DLG2: variants seen among roughly 807,000 people sequenced by gnomAD.
The protein encoded by DLG2 is discs large MAGUK scaffold protein 2.
DLG2 carries 45 observed loss-of-function variants against 132.5 expected under a neutral mutation model. The observed-to-expected ratio is 0.34, with a 90% CI of 0.27 to 0.44. DLG2 has a LOEUF of 0.44. DLG2 is among the 20% of genes least tolerant of loss of function. The pLI, the probability that DLG2 is intolerant of heterozygous loss-of-function variation, is 1.00. For missense variants in DLG2, 1,045 were observed against 1,196.9 expected, an observed-to-expected ratio of 0.87 and a Z score of 1.87; for synonymous variants, 424 against 419.6, an observed-to-expected ratio of 1.01 and a Z score of -0.13.
intron 18 of DLG2, among the ~76,000 whole-genome samples, chr11:83,650,831 T>C (rs1190169300): frequency 6.6e-6 from 1 of 152,224 alleles, no homozygotes; most frequent in Admixed American, 6.5e-5. Flanking sequence ...AAAGACTTTC[T>C]ACTCCAGATG....
chr11:84,981,236 G>GA (rs1404772214), intron 6 of DLG2, among the ~76,000 whole-genome samples: 2 of 152,022 alleles, frequency 1.3e-5, no homozygotes, highest in South Asian at 2.1e-4. Flanking sequence ...TATATTTTGA[G>GA]AAAAAATCAA....
intron 7 of DLG2, among the ~76,000 whole-genome samples, chr11:84,409,099 T>G (rs1191213647): frequency 1.3e-5 from 2 of 152,198 alleles, no homozygotes; most frequent in Non-Finnish European, 2.9e-5. Flanking sequence ...CACATTATGT[T>G]CTAGCAATAT....
intron 7 of DLG2, among the ~76,000 whole-genome samples, chr11:84,518,050 C>T (rs933329169): frequency 1.3e-5 from 2 of 151,730 alleles, no homozygotes; most frequent in African/African-American, 4.8e-5. Flanking sequence ...CAAAATTTTA[C>T]TCAGAATAAA....
intron 7 of DLG2, among the ~76,000 whole-genome samples, chr11:84,361,448 G>C (rs1350344725): frequency 2.0e-5 from 3 of 151,914 alleles, no homozygotes; most frequent in East Asian, 1.9e-4. Context: ...GAAAGAAAAG[G>C]ACTGTCAATC....
At chr11:84,462,110 C>T (rs759087308) in intron 7 of DLG2, among the ~76,000 whole-genome samples, 3 of 150,800 alleles carry the variant, frequency 2.0e-5, no homozygotes, top group Admixed American at 6.6e-5. Flanking sequence ...CCCACGAGTC[C>T]TTATTAAGTA....
chr11:84,299,400 G>A (rs958868078), intron 7 of DLG2, among the ~76,000 whole-genome samples: 5 of 152,086 alleles, frequency 3.3e-5, no homozygotes, highest in South Asian at 2.1e-4. Flanking sequence ...ACTCAAGCAC[G>A]GAGAGCAGAA....
At chr11:84,959,891 G>GA (rs889174164) in intron 6 of DLG2, among the ~76,000 whole-genome samples, 5 of 151,024 alleles carry the variant, frequency 3.3e-5, no homozygotes, top group Admixed American at 1.3e-4. Context: ...AGACAATGAG[G>GA]AAAAAAAAAC....
chr11:83,810,187 G>A (rs1565159521), intron 17 of DLG2, among the ~76,000 whole-genome samples: 1 of 152,030 alleles, frequency 6.6e-6, no homozygotes, highest in Non-Finnish European at 1.5e-5. Context: ...AAGTCCACCT[G>A]AGGATTAGTG....
chr11:84,352,850 A>G, intron 7 of DLG2, among the ~76,000 whole-genome samples: 1 of 152,278 alleles, frequency 6.6e-6, no homozygotes, highest in South Asian at 2.1e-4. Flanking sequence ...CTCACAAATT[A>G]TCTTTATTTT....
chr11:84,049,125 C>G (rs1404578777), intron 11 of DLG2, among the ~76,000 whole-genome samples: 1 of 151,028 alleles, frequency 6.6e-6, no homozygotes, highest in Non-Finnish European at 1.5e-5. Flanking sequence ...AAACCAGGAG[C>G]AGATGGAGGA....
intron 6 of DLG2, among the ~76,000 whole-genome samples, chr11:84,549,470 GAA>G (rs888342118): frequency 2.0e-5 from 3 of 152,146 alleles, no homozygotes; most frequent in Admixed American, 1.3e-4. Flanking sequence ...CTGGTGCCCA[GAA>G]AAGAGGAAAT....
At chr11:84,767,490 C>T (rs1387949307) in intron 6 of DLG2, among the ~76,000 whole-genome samples, 1 of 152,026 alleles carries the variant, frequency 6.6e-6, no homozygotes, top group Non-Finnish European at 1.5e-5. Context: ...GCTCATGATA[C>T]ATTAACTGCT....
intron 21 of DLG2, among the ~76,000 whole-genome samples, chr11:83,502,624 ACTT>A (rs1360362777): frequency 1.3e-5 from 2 of 152,030 alleles, no homozygotes; most frequent in Non-Finnish European, 2.9e-5. Flanking sequence ...CAGGAATGCC[ACTT>A]CTTCTGTAGC....
chr11:85,439,929 C>T (rs914168409), intron 3 of DLG2, among the ~76,000 whole-genome samples: 6 of 152,102 alleles, frequency 3.9e-5, no homozygotes, highest in African/African-American at 1.4e-4. Context: ...TTAATAAGGT[C>T]ATAAACGCTA....
intron 6 of DLG2, among the ~76,000 whole-genome samples, chr11:85,105,210 C>T (rs1364299476): frequency 6.6e-6 from 1 of 151,850 alleles, no homozygotes; most frequent in African/African-American, 2.4e-5. Flanking sequence ...ACTGGGAATG[C>T]CCTTTCATCT....
intron 4 of DLG2, among the ~76,000 whole-genome samples, chr11:85,188,076 G>A (rs941389846): frequency 1.3e-5 from 2 of 152,124 alleles, no homozygotes; most frequent in East Asian, 1.9e-4. Context: ...ATCCACAAGC[G>A]CAGAGGAGAC....
chr11:85,527,679 T>C (rs1001955172), intron 3 of DLG2, among the ~76,000 whole-genome samples: 1 of 152,180 alleles, frequency 6.6e-6, no homozygotes, highest in Non-Finnish European at 1.5e-5. Context: ...GTCTTTATAG[T>C]AAAATAATTT....
In DLG2 at chr11:84,163,493, C is replaced by G; in HGVS notation, c.592G>C (p.Glu198Gln). 6.2e-7 allele frequency: 1 copy of G among 1,606,180 alleles called. No individual in the cohort carries two copies. The highest frequency in any genetic ancestry group is 1.3e-5 in the African/African-American group (1 of 74,478). Residue 198 changes from glutamate (E) to glutamine (Q), a missense_variant, in exon 9 of 28, where the codon GAA becomes CAA. By Grantham distance (29) the Glu-to-Gln change is conservative. Transcript: ENST00000376104. ...TIPYVNGTEI[E>Q]YEFEEITLER... Reference sequence around the variant, plus strand: ...AGTGTAATTTCTTCAAATTCATATTCAATTTCTGTCCCATTGACCTGTAAA... The same window carrying G: ...AGTGTAATTTCTTCAAATTCATATTGAATTTCTGTCCCATTGACCTGTAAA...
intron 8 of DLG2, among the ~76,000 whole-genome samples, chr11:84,194,422 T>C (rs1296257360): frequency 1.3e-5 from 2 of 152,044 alleles, no homozygotes; most frequent in South Asian, 2.1e-4. Context: ...GTGTTACAGA[T>C]CATAAAGGTG....
Sources: allele counts gnomAD v4.1 joint callset (sites outside exome capture counted in the v4.1 genomes callset), GRCh38; gene constraint gnomAD v4.1.1; transcripts MANE v1.5; gene names NCBI Gene and HGNC (gene_info 2026-07-23, HGNC 2026-07-21).